The following SNX3 variants were observed in gnomAD, a reference collection of about 807,000 sequenced individuals.
SNX3 encodes the protein sorting nexin 3, also known as sorting nexin-3.
Under a neutral mutation model 17.7 loss-of-function variants are expected in SNX3, and 5 were observed. That is an observed-to-expected ratio of 0.28 (90% confidence interval 0.15 to 0.59). The LOEUF (loss-of-function observed/expected upper bound fraction) is 0.59, where lower values mean the gene tolerates loss of function less well. Among genes scored for constraint, SNX3 ranks in the 20% least tolerant of loss-of-function variants. SNX3 has a pLI of 0.88. For missense variants in SNX3, 132 were observed against 206.8 expected, an observed-to-expected ratio of 0.64 and a Z score of 2.22; for synonymous variants, 91 against 76.5, an observed-to-expected ratio of 1.19 and a Z score of -0.99.
intron 3 of SNX3, 63 bp from the exon 4 acceptor site, chr6:108,212,317 A>G (rs1774431330): frequency 1.1e-5 from 12 of 1,139,902 alleles, no homozygotes; most frequent in South Asian, 7.0e-5. Flanking sequence ...TTCAAAACAC[A>G]TATTTTAAAG....
intron 1 of SNX3, among the ~76,000 whole-genome samples, chr6:108,226,164 GGTCAA>G (rs1774968450): frequency 6.6e-6 from 1 of 151,922 alleles, no homozygotes; most frequent in African/African-American, 2.4e-5. Context: ...ATCATGGCAG[GGTCAA>G]GTCAAGTGAT....
intron 1 of SNX3, among the ~76,000 whole-genome samples, chr6:108,253,847 C>G (rs187114318): frequency 6.6e-6 from 1 of 151,988 alleles, no homozygotes; most frequent in South Asian, 2.1e-4. Flanking sequence ...CACTGCCGGC[C>G]GGGCTTGGTG....
At chr6:108,215,578 TC>T (rs1774543514) in intron 2 of SNX3, among the ~76,000 whole-genome samples, 2 of 152,066 alleles carry the variant, frequency 1.3e-5, no homozygotes, top group African/African-American at 4.8e-5. Context: ...TCCCAAATTT[TC>T]CCCTTCAAAG....
chr6:108,259,004 A>C (rs9398166), intron 1 of SNX3, among the ~76,000 whole-genome samples: 40,008 of 151,994 alleles, frequency 0.26, 7,427 homozygotes, highest in African/African-American at 0.51. Flanking sequence ...CTATGGAAGT[A>C]TAGAAACAAG....
chr6:108,227,392 C>T (rs914493840), intron 1 of SNX3, among the ~76,000 whole-genome samples: 2 of 152,144 alleles, frequency 1.3e-5, no homozygotes, highest in African/African-American at 4.8e-5. Flanking sequence ...TCTGAAACAA[C>T]ATATCAAGCT....
rs75428214 is a variant in SNX3, at chr6:108,228,800, T to C, written c.163-5755A>G. 7.2e-4 allele frequency among the ~76,000 whole-genome samples: 110 copies of C among 152,240 alleles called. 1 individual carries two copies. In the East Asian group the frequency reaches 0.02, roughly 27 times the overall value. On this transcript the variant is annotated intron_variant, in intron 1 of 3. Coordinates refer to ENST00000230085, the MANE Select transcript of SNX3 (RefSeq NM_003795.6). ...CAATGGGAATTAATCCTACAAATAT[T>C]TCCACACATACAAAAATATTTTAGC...
Position 108,258,564 on chromosome 6 carries a change from G to A in SNX3, c.162+2196C>T, listed in dbSNP as rs575073944. On this transcript the variant is annotated intron_variant, in intron 1 of 3. Coordinates refer to ENST00000230085, the MANE Select transcript of SNX3 (RefSeq NM_003795.6). The stretch of plus-strand genomic sequence containing the variant: ...TCATTCTGTTATGCCGGCTTGAGTA[G>A]AGTGGCCTCATCATAGCTCTCTGCA... Among the ~76,000 whole-genome samples the A allele has an allele frequency of 6.6e-5, 10 of 151,992 alleles. No homozygotes were observed. The East Asian group carries it at 1.9e-3, about 29-fold the overall frequency.
intron 2 of SNX3, among the ~76,000 whole-genome samples, chr6:108,221,532 CTTTTT>C (rs554429322): frequency 0.059 from 3,344 of 56,746 alleles, 24 homozygotes; most frequent in Admixed American, 0.1. Context: ...CAGTATTACA[CTTTTT>C]TTTTTTTTTT....
At chr6:108,249,962 G>A (rs891214785) in intron 1 of SNX3, among the ~76,000 whole-genome samples, 5 of 152,140 alleles carry the variant, frequency 3.3e-5, no homozygotes. Flanking sequence ...ACAGGCTGGA[G>A]TGCAGTGGTG....
chr6:108,245,453 TC>T (rs749986602), intron 1 of SNX3, among the ~76,000 whole-genome samples: 36 of 152,330 alleles, frequency 2.4e-4, no homozygotes, highest in Middle Eastern at 6.8e-3. Flanking sequence ...TGATTTATAA[TC>T]CTTTGGGTAT....
intron 2 of SNX3, among the ~76,000 whole-genome samples, chr6:108,217,533 T>C (rs1469556546): frequency 1.3e-5 from 2 of 152,120 alleles, no homozygotes; most frequent in African/African-American, 4.8e-5. Context: ...GGTGGGTGGA[T>C]CACCTGAGGT....
At chr6:108,226,438 T>C (rs1171188872) in intron 1 of SNX3, among the ~76,000 whole-genome samples, 1 of 152,192 alleles carries the variant, frequency 6.6e-6, no homozygotes, top group African/African-American at 2.4e-5. Context: ...CTTAACATAA[T>C]AACTAATGCC....
At chr6:108,215,218 C>G (rs1045744114) in intron 2 of SNX3, among the ~76,000 whole-genome samples, 2 of 152,078 alleles carry the variant, frequency 1.3e-5, no homozygotes. Context: ...GGCGTGGTGG[C>G]GGGCGCCTGT....
chr6:108,246,027 T>C (rs191302561), intron 1 of SNX3, among the ~76,000 whole-genome samples: 32 of 152,338 alleles, frequency 2.1e-4, no homozygotes, highest in East Asian at 1.5e-3. Context: ...GCCTATGTCC[T>C]GAATGGTATT....
intron 1 of SNX3, among the ~76,000 whole-genome samples, chr6:108,231,074 A>G (rs896479639): frequency 6.6e-6 from 1 of 151,408 alleles, no homozygotes; most frequent in Admixed American, 6.6e-5. Flanking sequence ...CGCTACAGGC[A>G]CTTGGGCTGG....
At chr6:108,252,633 C>T (rs1775899191) in intron 1 of SNX3, 1 of 152,174 alleles carries the variant, frequency 6.6e-6, no homozygotes, top group Non-Finnish European at 1.5e-5. Context: ...GATGAAATGT[C>T]TTGGAGCCTG....
Position 108,212,139 on chromosome 6 carries a change from T to C in SNX3, c.*10A>G. On this transcript the variant is annotated 3_prime_UTR_variant, in exon 4 of 4. Transcript: ENST00000230085. ...TTAATAGTCACGTTTTTGCCCCTTC[T>C]TGCCAAATTTCAGGCATGTCTTATT... 1 of 1,525,074 alleles carries C rather than the reference T, an allele frequency of 6.6e-7. No individual in the cohort carries two copies. Among genetic ancestry groups the C allele is most frequent in the East Asian group, 2.3e-5 (1 of 44,324 alleles). 94.5% of individuals were successfully genotyped at this position (1,525,074 alleles called of 1,614,324 possible).
intron 2 of SNX3, among the ~76,000 whole-genome samples, chr6:108,220,031 G>A (rs892257951): frequency 2.0e-5 from 3 of 152,050 alleles, no homozygotes; most frequent in Admixed American, 2.0e-4. Context: ...ATAGAGAAAA[G>A]CTTATAGAAT....
Position 108,231,438 on chromosome 6 carries a change from T to C in SNX3, c.163-8393A>G, listed in dbSNP as rs111656475. Among the ~76,000 whole-genome samples the C allele has an allele frequency of 3.3e-5, 5 of 151,940 alleles. No homozygotes were observed. In the East Asian group the frequency reaches 7.7e-4, roughly 23 times the overall value. On this transcript the variant is annotated intron_variant, in intron 1 of 3. Transcript: ENST00000230085. ...TCTAGAAGAGTCGCCCCCTGTCTTG[T>C]TGTCATTCAAGACACTGACAATAAA...
Sources: gnomAD v4.1 joint callset for allele counts (sites outside exome capture counted in the v4.1 genomes callset) on GRCh38, gnomAD v4.1.1 for gene constraint, MANE v1.5 for transcripts, NCBI Gene and HGNC (gene_info 2026-07-23, HGNC 2026-07-21) for gene names.